The following ESRRG variants were observed in gnomAD, a reference collection of about 807,000 sequenced individuals.
ESRRG encodes estrogen-related receptor gamma.
A neutral mutation model predicts 44.0 loss-of-function variants in ESRRG; 13 were observed. That is an observed-to-expected ratio of 0.30 (90% CI 0.19 to 0.47). The LOEUF (loss-of-function observed/expected upper bound fraction) is 0.47, where lower values mean the gene tolerates loss of function less well. ESRRG is among the 20% of genes least tolerant of loss of function. The pLI is 1.00. For synonymous variants in ESRRG, 215 were observed against 214.6 expected, an observed-to-expected ratio of 1.00 and a Z score of -0.02; for missense variants, 395 against 580.6, an observed-to-expected ratio of 0.68 and a Z score of 3.29.
At chr1:216,940,592 C>T (rs973745484) in intron 1 of ESRRG, among the ~76,000 whole-genome samples, 1 of 152,062 alleles carries the variant, frequency 6.6e-6, no homozygotes, top group African/African-American at 2.4e-5. Flanking sequence ...AATAATTACT[C>T]GGGTGGCACC....
intron 2 of ESRRG, among the ~76,000 whole-genome samples, chr1:216,906,000 C>T (rs1230518457): frequency 1.3e-5 from 2 of 152,232 alleles, no homozygotes; most frequent in Non-Finnish European, 2.9e-5. Context: ...ATCTGGCCAC[C>T]TTGGCCTCAC....
chr1:216,668,481 A>G (rs1433437542), intron 2 of ESRRG, among the ~76,000 whole-genome samples: 1 of 152,216 alleles, frequency 6.6e-6, no homozygotes, highest in Non-Finnish European at 1.5e-5. Context: ...ATCACACCAG[A>G]GATTCTTTTT....
chr1:216,824,524 G>A (rs552355149), intron 2 of ESRRG, among the ~76,000 whole-genome samples: 13 of 151,004 alleles, frequency 8.6e-5, no homozygotes, highest in South Asian at 4.2e-4. Flanking sequence ...TGTGAACTAC[G>A]GAATGATAAA....
rs780560247 is a variant in ESRRG at position 216,716,197 on chromosome 1, C to CTT, written c.56+7045_56+7046dup. Among the ~76,000 whole-genome samples, 33 of 152,080 alleles carry CTT rather than the reference C, an allele frequency of 2.2e-4. No individual in the cohort carries two copies. The Middle Eastern group carries it at 0.01, about 47-fold the overall frequency. Reference sequence around the variant, plus strand: ...CCACTGAGGTTCACCACTTCAGAGACTTTTGTCTTTCTAAACCTATTTTAC... The same window carrying CTT: ...CCACTGAGGTTCACCACTTCAGAGACTTTTTTGTCTTTCTAAACCTATTTTAC... On this transcript the variant is annotated intron_variant, in intron 1 of 6. Coordinates refer to ENST00000408911, the MANE Select transcript of ESRRG (RefSeq NM_001438.4).
chr1:216,710,705 A>G (rs961025471), intron 1 of ESRRG, among the ~76,000 whole-genome samples: 1 of 152,200 alleles, frequency 6.6e-6, no homozygotes, highest in African/African-American at 2.4e-5. Flanking sequence ...GAATAAATAT[A>G]TTCTGCCATT....
intron 2 of ESRRG, among the ~76,000 whole-genome samples, chr1:216,807,979 G>T (rs897689789): frequency 6.6e-6 from 1 of 152,132 alleles, no homozygotes; most frequent in African/African-American, 2.4e-5. Flanking sequence ...AGCTGGGCAT[G>T]GAGACTCTAG....
intron 1 of ESRRG, among the ~76,000 whole-genome samples, chr1:216,999,297 T>C (rs1442238923): frequency 1.3e-5 from 2 of 152,212 alleles, no homozygotes; most frequent in Non-Finnish European, 2.9e-5. Flanking sequence ...TCTAGGTGTA[T>C]GTAAAGATAT....
intron 3 of ESRRG, among the ~76,000 whole-genome samples, chr1:216,622,608 T>TCACACACACA (rs769882782): frequency 0.2 from 27,595 of 136,778 alleles, 3,099 homozygotes; most frequent in Non-Finnish European, 0.3. Flanking sequence ...CAAATGAAAA[T>TCACACACACA]TACACACACG....
At chr1:217,008,743 G>A (rs1490856706) in intron 1 of ESRRG, among the ~76,000 whole-genome samples, 2 of 152,114 alleles carry the variant, frequency 1.3e-5, no homozygotes, top group African/African-American at 4.8e-5. Context: ...TACCACTTAA[G>A]TCCACACCTG....
intron 1 of ESRRG, among the ~76,000 whole-genome samples, chr1:216,996,146 G>A (rs1437955762): frequency 6.6e-6 from 1 of 152,158 alleles, no homozygotes; most frequent in Non-Finnish European, 1.5e-5. Context: ...AAATCTGAGT[G>A]CAGATTTAAA....
chr1:216,719,537 A>G (rs1378924856), intron 1 of ESRRG, among the ~76,000 whole-genome samples: 1 of 152,036 alleles, frequency 6.6e-6, no homozygotes, highest in African/African-American at 2.4e-5. Context: ...TTCACTTTAA[A>G]AAGAACAACA....
intron 1 of ESRRG, among the ~76,000 whole-genome samples, chr1:217,016,613 G>A (rs778566687): frequency 3.3e-5 from 5 of 152,018 alleles, no homozygotes; most frequent in Non-Finnish European, 7.4e-5. Flanking sequence ...TGGAAATCCT[G>A]TTTTAGCATT....
chr1:216,581,747 G>A (rs2062809930), intron 3 of ESRRG, among the ~76,000 whole-genome samples: 1 of 152,162 alleles, frequency 6.6e-6, no homozygotes, highest in Admixed American at 6.5e-5. Context: ...GATATTTATT[G>A]CCTTGTGGGA....
intron 1 of ESRRG, among the ~76,000 whole-genome samples, chr1:216,976,612 G>A (rs1415004675): frequency 6.6e-6 from 1 of 152,130 alleles, no homozygotes; most frequent in South Asian, 2.1e-4. Flanking sequence ...GGGGCTCATT[G>A]AACAAAGGTA....
At chr1:216,705,301 A>G (rs1458657862) in intron 1 of ESRRG, among the ~76,000 whole-genome samples, 1 of 152,150 alleles carries the variant, frequency 6.6e-6, no homozygotes, top group Non-Finnish European at 1.5e-5. Context: ...GGCCACATAA[A>G]CGAATATAAT....
At position 216,755,574 on chromosome 1, in the gene ESRRG, A is replaced by G. The variant is rs77821379; in HGVS notation, c.-13-78083T>C. Among the ~76,000 whole-genome samples the G allele has an allele frequency of 5.5e-4, 83 of 152,078 alleles. 1 individual carries two copies. In the East Asian group the frequency reaches 0.014, roughly 26 times the overall value. Reference sequence around the variant, plus strand: ...AATTCCTTTTTACTCCTATTTTCTTATATTTACCTCACATGGTCCCCACAT... The same window carrying G: ...AATTCCTTTTTACTCCTATTTTCTTGTATTTACCTCACATGGTCCCCACAT... On this transcript the variant is annotated intron_variant, in intron 2 of 7. Transcript: ENST00000359162.
chr1:216,916,287 C>A (rs1219763368), intron 2 of ESRRG, among the ~76,000 whole-genome samples: 1 of 152,188 alleles, frequency 6.6e-6, no homozygotes, highest in East Asian at 1.9e-4. Flanking sequence ...CATGCTGCCC[C>A]TGTTTCAAAT....
At chr1:216,785,030 C>A (rs772538435) in intron 2 of ESRRG, among the ~76,000 whole-genome samples, 1 of 151,730 alleles carries the variant, frequency 6.6e-6, no homozygotes, top group Non-Finnish European at 1.5e-5. Context: ...ACATTTGCAG[C>A]CAAAGCCTAA....
intron 2 of ESRRG, among the ~76,000 whole-genome samples, chr1:216,819,263 C>T (rs1266955955): frequency 2.0e-5 from 3 of 152,228 alleles, no homozygotes; most frequent in East Asian, 1.9e-4. Context: ...GTTGTTCTTT[C>T]GGTTTGTTTG....
Sources: allele counts gnomAD v4.1 joint callset (sites outside exome capture counted in the v4.1 genomes callset), GRCh38; gene constraint gnomAD v4.1.1; transcripts MANE v1.5; gene names NCBI Gene and HGNC (gene_info 2026-07-23, HGNC 2026-07-21).